ADAMTS17: variants seen among roughly 807,000 people sequenced by gnomAD.
The protein encoded by ADAMTS17 is A disintegrin and metalloproteinase with thrombospondin motifs 17.
A neutral mutation model predicts 141.5 loss-of-function variants in ADAMTS17; 113 were observed. That is an observed-to-expected ratio of 0.80 (90% CI 0.69 to 0.93). The LOEUF (loss-of-function observed/expected upper bound fraction) is 0.93, where lower values mean the gene tolerates loss of function less well. ADAMTS17 is among the 40% of genes least tolerant of loss of function. ADAMTS17 has a pLI of 0.00. For missense variants in ADAMTS17, 1,659 were observed against 1,517.9 expected (o/e 1.09, Z -1.54); for synonymous variants, 768 against 630.6 (o/e 1.22, Z -3.27).
chr15:100,071,802 C>T (rs1567125824), intron 15 of ADAMTS17, among the ~76,000 whole-genome samples: 2 of 150,294 alleles, frequency 1.3e-5, no homozygotes, highest in Non-Finnish European at 3.0e-5. Flanking sequence ...CAATATCATA[C>T]CGAATGGGCA....
intron 15 of ADAMTS17, 110 bp from the exon 16 acceptor site, chr15:100,054,164 C>T: frequency 7.8e-7 from 1 of 1,288,466 alleles, no homozygotes; most frequent in Non-Finnish European, 1.1e-6. Flanking sequence ...CTCCCTTCCA[C>T]AGGGGGAAGG....
At chr15:100,044,326 A>G (rs1331320476) in intron 18 of ADAMTS17, among the ~76,000 whole-genome samples, 2 of 152,200 alleles carry the variant, frequency 1.3e-5, no homozygotes, top group Non-Finnish European at 2.9e-5. Flanking sequence ...ACTATCCCAC[A>G]GGTAACTGAG....
At chr15:100,243,985 A>T (rs930460620) in intron 7 of ADAMTS17, among the ~76,000 whole-genome samples, 1 of 152,162 alleles carries the variant, frequency 6.6e-6, no homozygotes, top group Admixed American at 6.5e-5. Flanking sequence ...TCACACTGCT[A>T]ATAAAGACAT....
At chr15:100,018,863 G>A (rs1217981246) in intron 18 of ADAMTS17, among the ~76,000 whole-genome samples, 1 of 152,148 alleles carries the variant, frequency 6.6e-6, no homozygotes, top group Non-Finnish European at 1.5e-5. Flanking sequence ...AGCCACATTT[G>A]GCCATGATGG....
At chr15:100,041,082 C>T (rs533609170) in intron 18 of ADAMTS17, among the ~76,000 whole-genome samples, 1 of 152,290 alleles carries the variant, frequency 6.6e-6, no homozygotes, top group African/African-American at 2.4e-5. Context: ...CATACATGCA[C>T]GCGTGCACAC....
At chr15:100,107,404 C>T (rs2036477187) in intron 14 of ADAMTS17, among the ~76,000 whole-genome samples, 2 of 152,136 alleles carry the variant, frequency 1.3e-5, no homozygotes, top group South Asian at 4.2e-4. Flanking sequence ...TCAGGAGCTG[C>T]CATTGTCACT....
At chr15:100,116,569 G>C (rs529473533) in intron 13 of ADAMTS17, among the ~76,000 whole-genome samples, 135 of 152,370 alleles carry the variant, frequency 8.9e-4, no homozygotes, top group African/African-American at 3.0e-3. Flanking sequence ...GCCAGGGGCA[G>C]GATGCCAGCA....
chr15:100,202,222 T>C (rs1281924950), intron 7 of ADAMTS17, among the ~76,000 whole-genome samples: 1 of 152,212 alleles, frequency 6.6e-6, no homozygotes, highest in Non-Finnish European at 1.5e-5. Context: ...CTTTCCACTC[T>C]AATTAGGTAA....
chr15:100,300,775 T>C (rs555128828), intron 3 of ADAMTS17, among the ~76,000 whole-genome samples: 2 of 152,340 alleles, frequency 1.3e-5, no homozygotes, highest in Middle Eastern at 6.8e-3. Flanking sequence ...GTCCACACCC[T>C]GGCCTCTGGA....
intron 7 of ADAMTS17, among the ~76,000 whole-genome samples, chr15:100,209,114 A>AAAAC (rs2041696718): frequency 8.1e-5 from 1 of 12,366 alleles, no homozygotes; most frequent in South Asian, 3.5e-3. Flanking sequence ...CCAAGTTAGC[A>AAAAC]AAAAAAAAAA....
chr15:100,061,491 T>G (rs1050560844), intron 15 of ADAMTS17, among the ~76,000 whole-genome samples: 1 of 152,198 alleles, frequency 6.6e-6, no homozygotes, highest in Non-Finnish European at 1.5e-5. Context: ...TCACAAGAGC[T>G]GGTTCTCCTG....
intron 15 of ADAMTS17, among the ~76,000 whole-genome samples, chr15:100,091,390 G>A (rs988645940): frequency 1.3e-5 from 2 of 152,158 alleles, no homozygotes; most frequent in Non-Finnish European, 2.9e-5. Flanking sequence ...CCACCAAGCA[G>A]GAGAAATCCA....
rs527846846 is a variant in ADAMTS17, at chr15:100,278,225, G to C, written c.789+3004C>G. Among the ~76,000 whole-genome samples, 9 of 152,072 alleles carry C rather than the reference G, an allele frequency of 5.9e-5. No homozygotes were observed. In the South Asian group the frequency reaches 1.9e-3, roughly 32 times the overall value. ...GAAAAAGTTCTGGAGGTGGATGGTGGTGGTGGTTGCATTAACAAGGTGAAT... is the reference window on the plus strand; with the variant it reads ...GAAAAAGTTCTGGAGGTGGATGGTGCTGGTGGTTGCATTAACAAGGTGAAT... On this transcript the variant is annotated intron_variant, in intron 4 of 21. Transcript: ENST00000268070.
Position 99,997,442 on chromosome 15 carries a change from C to T in ADAMTS17, c.2739G>A (p.Val913=), listed in dbSNP as rs777456566. 7 of 1,613,662 alleles carry T rather than the reference C, an allele frequency of 4.3e-6. No homozygotes were observed. In the South Asian group the frequency reaches 6.6e-5, roughly 15 times the overall value. The change falls in exon 19 of 22, where the codon GTG becomes GTA. Residue 913 remains valine, a synonymous_variant. Transcript: ENST00000268070. The surrounding 1 kb of genome is among the most constrained non-coding windows in gnomAD (Gnocchi z 4.7). The part of the protein sequence containing the change: ...LYCPGPRPAA[V]QSCEGQDCLS... ...GGCAGTCCTGGCCTTCACAGCTCTG[C>T]ACTGCCGCCGGCCGGGGGCCCGGGC...
At chr15:100,098,017 C>G (rs28460523) in intron 14 of ADAMTS17, among the ~76,000 whole-genome samples, 3,833 of 152,120 alleles carry the variant, frequency 0.025, 129 homozygotes, top group African/African-American at 0.087. Flanking sequence ...ATGATGAAAT[C>G]TGAAAAAGGG....
chr15:100,207,630 G>A (rs979406738), intron 7 of ADAMTS17, among the ~76,000 whole-genome samples: 18 of 152,184 alleles, frequency 1.2e-4, no homozygotes, highest in African/African-American at 3.1e-4. Context: ...TTACAAAAAC[G>A]CTTGGTAGAG....
At chr15:100,012,715 G>T (rs1379232261) in intron 18 of ADAMTS17, among the ~76,000 whole-genome samples, 2 of 152,088 alleles carry the variant, frequency 1.3e-5, no homozygotes, top group Non-Finnish European at 2.9e-5. Flanking sequence ...GTTTATTCTG[G>T]GTTCTCTATT....
chr15:100,088,178 A>T (rs1429424165), intron 15 of ADAMTS17, among the ~76,000 whole-genome samples: 1 of 152,192 alleles, frequency 6.6e-6, no homozygotes. Context: ...AATCACAAGC[A>T]TTCTTATACA....
chr15:100,174,942 C>T (rs1460589762), intron 8 of ADAMTS17, among the ~76,000 whole-genome samples: 1 of 152,138 alleles, frequency 6.6e-6, no homozygotes, highest in Non-Finnish European at 1.5e-5. Flanking sequence ...AAAAAGCCTC[C>T]CAGTGTCAAT....
Sources: allele counts gnomAD v4.1 joint callset (sites outside exome capture counted in the v4.1 genomes callset), GRCh38; gene constraint gnomAD v4.1.1; non-coding constraint Gnocchi (gnomAD v3.1); transcripts MANE v1.5; gene names NCBI Gene and HGNC (gene_info 2026-07-23, HGNC 2026-07-21).